Variants in TGFA observed in about 807,000 individuals in gnomAD.
The protein encoded by TGFA is transforming growth factor alpha, also known as protransforming growth factor alpha.
A neutral mutation model predicts 21.7 loss-of-function variants in TGFA; 12 were observed. The observed-to-expected ratio is 0.55, with a 90% CI of 0.35 to 0.90. The LOEUF (loss-of-function observed/expected upper bound fraction) is 0.90, where lower values mean the gene tolerates loss of function less well. TGFA is among the 40% of genes least tolerant of loss of function. TGFA has a pLI of 0.01. For missense variants in TGFA, 178 were observed against 210.8 expected (o/e 0.84, Z 0.96); for synonymous variants, 79 against 88.1 (o/e 0.90, Z 0.58).
At chr2:70,507,625 G>A (rs957371341) in intron 2 of TGFA, among the ~76,000 whole-genome samples, 5 of 152,310 alleles carry the variant, frequency 3.3e-5, no homozygotes, top group South Asian at 2.1e-4. Context: ...CCCTAAGTAC[G>A]ATAGTTGGGT....
At chr2:70,526,774 G>C (rs1424888009) in intron 1 of TGFA, among the ~76,000 whole-genome samples, 1 of 152,184 alleles carries the variant, frequency 6.6e-6, no homozygotes, top group African/African-American at 2.4e-5. Flanking sequence ...AAAAAGGAGG[G>C]AGAGGGAAAA....
intron 2 of TGFA, among the ~76,000 whole-genome samples, chr2:70,509,651 A>C (rs1672032096): frequency 6.6e-6 from 1 of 152,198 alleles, no homozygotes; most frequent in South Asian, 2.1e-4. Flanking sequence ...GCAGAAGTTC[A>C]GAGGTTTAAA....
intron 2 of TGFA, among the ~76,000 whole-genome samples, chr2:70,491,668 C>T (rs1414752996): frequency 3.9e-5 from 6 of 152,230 alleles, no homozygotes; most frequent in African/African-American, 1.2e-4. Context: ...AACAGGGTCC[C>T]ATGCACATGA....
At chr2:70,500,617 C>T (rs192614255) in intron 2 of TGFA, among the ~76,000 whole-genome samples, 11 of 152,280 alleles carry the variant, frequency 7.2e-5, no homozygotes, top group Admixed American at 6.5e-4. Context: ...TGACTTGAAA[C>T]GTGACCAGTA....
chr2:70,460,710 A>C (rs1670381356), intron 3 of TGFA, among the ~76,000 whole-genome samples: 1 of 152,182 alleles, frequency 6.6e-6, no homozygotes, highest in South Asian at 2.1e-4. Flanking sequence ...GAGTATGGTC[A>C]GCCCTACTTA....
At chr2:70,545,865 C>T (rs1454599682) in intron 1 of TGFA, among the ~76,000 whole-genome samples, 2 of 152,036 alleles carry the variant, frequency 1.3e-5, no homozygotes, top group Non-Finnish European at 2.9e-5. Context: ...AAAAGGATTA[C>T]TATTCTTCTC....
At chr2:70,495,699 GATTATTGTT>G (rs1671553107) in intron 2 of TGFA, among the ~76,000 whole-genome samples, 2 of 152,054 alleles carry the variant, frequency 1.3e-5, no homozygotes, top group Admixed American at 1.3e-4. Context: ...TTGTTACTAT[GATTATTGTT>G]ATTTGAGGGA....
At chr2:70,501,102 G>C (rs56189911) in intron 2 of TGFA, among the ~76,000 whole-genome samples, 3 of 151,846 alleles carry the variant, frequency 2.0e-5, no homozygotes, top group Admixed American at 6.6e-5. Flanking sequence ...TTTGTTATGC[G>C]ATGAGGGTCT....
chr2:70,451,730 T>C (rs569804829), intron 5 of TGFA: 3 of 696,388 alleles, frequency 4.3e-6, no homozygotes, highest in Non-Finnish European at 7.8e-6. Context: ...AATATTTACC[T>C]TCATTAGCTC....
intron 2 of TGFA, among the ~76,000 whole-genome samples, chr2:70,501,272 T>TC (rs1671731128): frequency 6.8e-6 from 1 of 147,954 alleles, no homozygotes; most frequent in Admixed American, 6.9e-5. Flanking sequence ...TTTTTTTTTT[T>TC]CTCCTCCAGG....
chr2:70,532,799 T>C (rs1672852696), intron 1 of TGFA, among the ~76,000 whole-genome samples: 1 of 152,050 alleles, frequency 6.6e-6, no homozygotes, highest in Non-Finnish European at 1.5e-5. Context: ...AGCCAGAAAG[T>C]GCTGTTCCCT....
intron 1 of TGFA, among the ~76,000 whole-genome samples, chr2:70,518,993 G>A (rs1029473252): frequency 6.6e-6 from 1 of 152,198 alleles, no homozygotes; most frequent in Non-Finnish European, 1.5e-5. Flanking sequence ...GTTTTCAGGG[G>A]GATGTGGGAG....
intron 1 of TGFA, among the ~76,000 whole-genome samples, chr2:70,547,969 T>C (rs1553506235): frequency 6.6e-6 from 1 of 151,654 alleles, no homozygotes; most frequent in Non-Finnish European, 1.5e-5. Flanking sequence ...GAATTATAGG[T>C]CATGAAAACA....
At chr2:70,544,969 TA>T (rs561043633) in intron 1 of TGFA, among the ~76,000 whole-genome samples, 22 of 152,108 alleles carry the variant, frequency 1.4e-4, no homozygotes, top group Non-Finnish European at 3.1e-4. Flanking sequence ...CAGAGGACTA[TA>T]GTCAATAATA....
chr2:70,553,303 C>T, intron 1 of TGFA: 1 of 1,526,058 alleles, frequency 6.6e-7, no homozygotes, highest in Non-Finnish European at 8.7e-7. Context: ...AGGCAAGACC[C>T]GGCCAGAGGG....
intron 2 of TGFA, among the ~76,000 whole-genome samples, chr2:70,480,940 T>C (rs1553495384): frequency 6.6e-6 from 1 of 152,176 alleles, no homozygotes; most frequent in Non-Finnish European, 1.5e-5. Flanking sequence ...TTAAATCCCC[T>C]GGGCTAAGTG....
chr2:70,500,459 T>TAAA (rs59778317), intron 2 of TGFA, among the ~76,000 whole-genome samples: 1 of 148,232 alleles, frequency 6.7e-6, no homozygotes. Context: ...AAGCAGAGTT[T>TAAA]AAAAAAAAAA....
At chr2:70,548,639 T>G (rs1673390525) in intron 1 of TGFA, among the ~76,000 whole-genome samples, 1 of 152,236 alleles carries the variant, frequency 6.6e-6, no homozygotes, top group Non-Finnish European at 1.5e-5. Context: ...AGCAGCTCCA[T>G]GTGAAACAAA....
intron 2 of TGFA, among the ~76,000 whole-genome samples, chr2:70,502,107 G>A (rs1671755212): frequency 6.6e-6 from 1 of 152,166 alleles, no homozygotes; most frequent in Non-Finnish European, 1.5e-5. Flanking sequence ...AGCCCTGGTG[G>A]TTCCCTCCAA....
Sources: allele counts gnomAD v4.1 joint callset (sites outside exome capture counted in the v4.1 genomes callset), GRCh38; gene constraint gnomAD v4.1.1; transcripts MANE v1.5; gene names NCBI Gene and HGNC (gene_info 2026-07-23, HGNC 2026-07-21).